ARHGEF18: variants seen among roughly 807,000 people sequenced by gnomAD.
ARHGEF18 encodes the protein Rho/Rac guanine nucleotide exchange factor 18.
A neutral mutation model predicts 155.7 loss-of-function variants in ARHGEF18; 93 were observed. The ratio of observed to expected loss-of-function variants is 0.60; its 90% CI spans 0.50 to 0.71. The LOEUF is 0.71. ARHGEF18 is among the 30% of genes least tolerant of loss of function. The probability of loss-of-function intolerance (pLI) is 0.00; values close to 1 mark genes in which losing one functional copy is unlikely to be tolerated. For missense variants in ARHGEF18, 1,593 were observed against 1,816.1 expected (o/e 0.88, Z 2.23); for synonymous variants, 742 against 753.1 (o/e 0.99, Z 0.24).
At position 7,444,071 on chromosome 19, in the gene ARHGEF18, C is replaced by A; in HGVS notation, c.1361-133C>A. On this transcript the variant is annotated intron_variant, in intron 13 of 28. Transcript: ENST00000668164. This position sits in a 1 kb window ranked among gnomAD's most constrained non-coding sequence, Gnocchi z 4.7. Reference sequence around the variant, plus strand: ...TGGACACCCTGGAAGTAAGAAAGATCCCAAAGGCACAAGGTCTTAGGCAGA... The same window carrying A: ...TGGACACCCTGGAAGTAAGAAAGATACCAAAGGCACAAGGTCTTAGGCAGA... 8.5e-7 allele frequency: 1 copy of A among 1,181,178 alleles called. No individual in the cohort carries two copies. The highest frequency in any genetic ancestry group is 1.2e-6 in the Non-Finnish European group (1 of 845,548). The allele number at this position is 1,181,178 out of a possible 1,614,324, so 73.2% of individuals were successfully genotyped here.
In ARHGEF18 at chr19:7,415,725, A is replaced by G. The variant is rs528873585; in HGVS notation, c.968-24619A>G. ...CCACATGACAGGCCTCGTGCCAGCCATGACCACAGAGACCCGCAGCTCCTG... is the reference window on the plus strand; with the variant it reads ...CCACATGACAGGCCTCGTGCCAGCCGTGACCACAGAGACCCGCAGCTCCTG... On this transcript the variant is annotated intron_variant, in intron 10 of 28. Coordinates refer to ENST00000668164, the MANE Select transcript of ARHGEF18 (RefSeq NM_001367823.1). 3.9e-5 allele frequency among the ~76,000 whole-genome samples: 6 copies of G among 152,112 alleles called. No individual in the cohort carries two copies. In the East Asian group the frequency reaches 1.2e-3, roughly 29 times the overall value.
chr19:7,448,416 T>C (rs1049946954), intron 15 of ARHGEF18, among the ~76,000 whole-genome samples: 5 of 151,794 alleles, frequency 3.3e-5, no homozygotes, highest in Admixed American at 2.0e-4. Context: ...AATCCCAGCA[T>C]TTTGGGAGGC....
chr19:7,350,767 G>GGT (rs71177199), intron 1 of ARHGEF18, among the ~76,000 whole-genome samples: 399 of 19,460 alleles, frequency 0.021, 2 homozygotes, highest in Non-Finnish European at 0.045. Flanking sequence ...TTTTGGGGTG[G>GGT]GTGTGTGTGT....
intron 1 of ARHGEF18, among the ~76,000 whole-genome samples, chr19:7,349,569 A>C (rs1969107942): frequency 6.6e-6 from 1 of 151,814 alleles, no homozygotes; most frequent in Non-Finnish European, 1.5e-5. Flanking sequence ...CTTGAGGTCA[A>C]GAGTTGGAGA....
At chr19:7,398,984 A>C (rs992507462) in intron 10 of ARHGEF18, among the ~76,000 whole-genome samples, 5 of 152,028 alleles carry the variant, frequency 3.3e-5, no homozygotes, top group Non-Finnish European at 7.4e-5. Context: ...CCTCATTCTC[A>C]CTCATCCTGG....
intron 10 of ARHGEF18, among the ~76,000 whole-genome samples, chr19:7,398,464 G>A (rs1971844314): frequency 6.6e-6 from 1 of 152,046 alleles, no homozygotes; most frequent in African/African-American, 2.4e-5. Flanking sequence ...GGGAGGTCGA[G>A]GTGGGCAGAG....
At chr19:7,449,185 C>A (rs572779942) in intron 15 of ARHGEF18, among the ~76,000 whole-genome samples, 2 of 152,176 alleles carry the variant, frequency 1.3e-5, no homozygotes, top group South Asian at 4.1e-4. Flanking sequence ...CAAATGCATA[C>A]AAGAGCAGCG....
rs539106383 is a variant in ARHGEF18 at position 7,386,234 on chromosome 19, CAAAAAAA to C, written c.967+3042_967+3048del. On this transcript the variant is annotated intron_variant, in intron 10 of 28. Coordinates refer to ENST00000668164, the MANE Select transcript of ARHGEF18 (RefSeq NM_001367823.1). ...GTAGAGACGGGCTCTTGCTATGTTG[CAAAAAAA>C]AAAAAAAAAAGACAAAGGAAAAACA... Among the ~76,000 whole-genome samples, 16 of 108,270 alleles carry C rather than the reference CAAAAAAA, an allele frequency of 1.5e-4. No homozygotes were observed. The East Asian group carries it at 1.7e-3, about 11-fold the overall frequency. The allele number at this position is 108,270 out of a possible 152,430, so 71.0% of individuals were successfully genotyped here. A position where few individuals can be genotyped will look rare whatever the true frequency, so the allele number is the denominator to read the frequency against.
chr19:7,424,602 A>C (rs1260820165), intron 10 of ARHGEF18, among the ~76,000 whole-genome samples: 3 of 152,188 alleles, frequency 2.0e-5, no homozygotes, highest in Non-Finnish European at 2.9e-5. Flanking sequence ...CGTGTCAATA[A>C]AGATGGGGGC....
intron 10 of ARHGEF18, among the ~76,000 whole-genome samples, chr19:7,424,644 C>G (rs1973548677): frequency 6.6e-6 from 1 of 152,096 alleles, no homozygotes; most frequent in Non-Finnish European, 1.5e-5. Context: ...GGTAAGAGTG[C>G]TGGTCGATTT....
At chr19:7,396,664 G>T (rs1478688852) in intron 10 of ARHGEF18, among the ~76,000 whole-genome samples, 1 of 151,446 alleles carries the variant, frequency 6.6e-6, no homozygotes, top group Non-Finnish European at 1.5e-5. Flanking sequence ...GCAGTGAGCC[G>T]CGATCGGGCC....
intron 10 of ARHGEF18, among the ~76,000 whole-genome samples, chr19:7,405,616 A>T (rs2145590296): frequency 6.6e-6 from 1 of 152,160 alleles, no homozygotes; most frequent in South Asian, 2.1e-4. Context: ...GTTTTGTTTT[A>T]GTTTTTGTTT....
At chr19:7,475,972 C>G (rs971324871), downstream of ARHGEF18, among the ~76,000 whole-genome samples, 2 of 152,208 alleles carry the variant, frequency 1.3e-5, no homozygotes, top group Non-Finnish European at 2.9e-5. Context: ...CAGATGGGGT[C>G]TCCCGCACCC....
intron 23 of ARHGEF18, 90 bp from the exon 24 acceptor site, chr19:7,466,827 GT>G: frequency 3.1e-6 from 2 of 649,788 alleles, no homozygotes; most frequent in Non-Finnish European, 4.6e-6. Context: ...AAAAAAAAAA[GT>G]TAAAAAAAAA....
intron 10 of ARHGEF18, among the ~76,000 whole-genome samples, chr19:7,385,833 ATCTCTCTCTCTC>A (rs762196307): frequency 0.023 from 1,212 of 51,960 alleles, 8 homozygotes; most frequent in Non-Finnish European, 0.035. Context: ...ATCTCTCTCT[ATCTCTCTCTCTC>A]TCTCTCTCTC....
At chr19:7,361,448 C>G (rs375590634) in intron 1 of ARHGEF18, among the ~76,000 whole-genome samples, 1 of 152,108 alleles carries the variant, frequency 6.6e-6, no homozygotes, top group East Asian at 1.9e-4. Flanking sequence ...AAAAAAGAGA[C>G]TGCATAACAG....
At chr19:7,372,667 AG>A in intron 2 of ARHGEF18, 144 bp from the exon 3 acceptor site, 5 of 794,802 alleles carry the variant, frequency 6.3e-6, no homozygotes, top group Non-Finnish European at 8.5e-6. Context: ...ACCCGCTGTG[AG>A]GAGGGCGCTG....
At chr19:7,464,857 T>G (rs904001716) in intron 23 of ARHGEF18, among the ~76,000 whole-genome samples, 167 bp downstream of exon 23, 9 of 152,146 alleles carry the variant, frequency 5.9e-5, no homozygotes, top group Non-Finnish European at 1.0e-4. Context: ...CACTGGCAGG[T>G]GATTTCTTCC....
In ARHGEF18 at chr19:7,470,815, G is replaced by C; in HGVS notation, c.*517G>C. ...TCGGCAGCATCTGTCCCCAGAATCAGGCAGAATCCACTTCCCAAACAGAGC... is the reference window on the plus strand; with the variant it reads ...TCGGCAGCATCTGTCCCCAGAATCACGCAGAATCCACTTCCCAAACAGAGC... On this transcript the variant is annotated 3_prime_UTR_variant, in exon 29 of 29. Coordinates refer to ENST00000668164, the MANE Select transcript of ARHGEF18 (RefSeq NM_001367823.1). The surrounding 1 kb of genome is among the most constrained non-coding windows in gnomAD (Gnocchi z 5.9). 2.5e-6 allele frequency: 1 copy of C among 401,200 alleles called. No individual in the cohort carries two copies. The highest frequency in any genetic ancestry group is 4.4e-6 in the Non-Finnish European group (1 of 226,250). The allele number at this position is 401,200 out of a possible 1,614,324, so 24.9% of individuals were successfully genotyped here.
Sources: allele counts gnomAD v4.1 joint callset (sites outside exome capture counted in the v4.1 genomes callset), GRCh38; gene constraint gnomAD v4.1.1; non-coding constraint Gnocchi (gnomAD v3.1); transcripts MANE v1.5; gene names NCBI Gene and HGNC (gene_info 2026-07-23, HGNC 2026-07-21).